SDCBP2: variants seen among roughly 807,000 people sequenced by gnomAD.
SDCBP2 encodes syndecan binding protein 2, also known as syntenin-2.
A neutral mutation model predicts 30.7 loss-of-function variants in SDCBP2; 28 were observed. The observed-to-expected ratio is 0.91, with a 90% CI of 0.68 to 1.25. SDCBP2 has a LOEUF of 1.25. SDCBP2 is among the 50% of genes most tolerant of loss of function. The pLI, the probability that SDCBP2 is intolerant of heterozygous loss-of-function variation, is 0.00. For missense variants in SDCBP2, 399 were observed against 379.0 expected, an observed-to-expected ratio of 1.05 and a Z score of -0.44; for synonymous variants, 166 against 157.3, an observed-to-expected ratio of 1.06 and a Z score of -0.41.
intron 7 of SDCBP2, 129 bp downstream of exon 7, chr20:1,312,208 C>T (rs572092763): frequency 2.2e-5 from 20 of 918,506 alleles, no homozygotes; most frequent in African/African-American, 4.9e-5. Context: ...CTACGAACAC[C>T]GTCTTACTGA....
rs1234235681 is a variant in SDCBP2, at chr20:1,313,230, A to G, written c.384+110T>C. 9.4e-6 allele frequency: 11 copies of G among 1,166,440 alleles called. No individual in the cohort carries two copies. Among genetic ancestry groups the G allele is most frequent in the Non-Finnish European group, 1.3e-5 (11 of 819,180 alleles). 72.3% of individuals were successfully genotyped at this position (1,166,440 alleles called of 1,614,324 possible). A position where few individuals can be genotyped will look rare whatever the true frequency, so the allele number is the denominator to read the frequency against. ...CAAGAGCCTGGCCGCTGGGGTTAGGAGGCCCGCTCTGCACCTTCCTTACTG... is the reference window on the plus strand; with the variant it reads ...CAAGAGCCTGGCCGCTGGGGTTAGGGGGCCCGCTCTGCACCTTCCTTACTG... On this transcript the variant is annotated intron_variant, in intron 5 of 8. Coordinates refer to ENST00000360779, the MANE Select transcript of SDCBP2 (RefSeq NM_080489.5). This position sits in a 1 kb window ranked among gnomAD's most constrained non-coding sequence, Gnocchi z 5.2.
chr20:1,319,426 G>A (rs927530610), intron 3 of SDCBP2, 164 bp downstream of exon 3: 2 of 717,586 alleles, frequency 2.8e-6, no homozygotes, highest in Admixed American at 4.4e-5. Context: ...AGGTCACCCA[G>A]GCAGTAAGAG....
chr20:1,325,423 A>G (rs2088907947), intron 1 of SDCBP2: 1 of 152,182 alleles, frequency 6.6e-6, no homozygotes, highest in South Asian at 2.1e-4. Flanking sequence ...GCGGCTGCAG[A>G]GTGGAACATG....
chr20:1,312,243 G>T (rs1443476445), intron 7 of SDCBP2, 94 bp downstream of exon 7: 23 of 1,263,420 alleles, frequency 1.8e-5, no homozygotes, highest in Non-Finnish European at 2.3e-5. Flanking sequence ...CTTAGGAAGA[G>T]GATGCTGAGG....
chr20:1,318,944 G>A (rs2088817131), intron 3 of SDCBP2, among the ~76,000 whole-genome samples: 1 of 152,172 alleles, frequency 6.6e-6, no homozygotes, highest in African/African-American at 2.4e-5. Flanking sequence ...CTTGATCTTG[G>A]GCTTCCAGCC....
intron 1 of SDCBP2, among the ~76,000 whole-genome samples, chr20:1,328,242 G>A (rs2088958838): frequency 6.6e-6 from 1 of 152,126 alleles, no homozygotes; most frequent in Non-Finnish European, 1.5e-5. Flanking sequence ...TGGAGGTCAT[G>A]GTGAGGACTT....
intron 4 of SDCBP2, 193 bp downstream of exon 4, chr20:1,318,125 A>C (rs926655008): frequency 1.6e-6 from 1 of 622,272 alleles, no homozygotes; most frequent in Admixed American, 2.1e-5. Context: ...AAGATCTGAA[A>C]CCATGAAAGC....
Position 1,320,293 on chromosome 20 carries a change from C to T in SDCBP2, c.54+70G>A, listed in dbSNP as rs566933481. 77 of 1,463,932 alleles carry T rather than the reference C, an allele frequency of 5.3e-5. No homozygotes were observed. Among genetic ancestry groups the T allele is most frequent in the Non-Finnish European group, 7.6e-6 (8 of 1,055,348 alleles). The allele number at this position is 1,463,932 out of a possible 1,614,324, so 90.7% of individuals were successfully genotyped here. A position where few individuals can be genotyped will look rare whatever the true frequency, so the allele number is the denominator to read the frequency against. On this transcript the variant is annotated intron_variant, in intron 2 of 8. Transcript: ENST00000360779. The surrounding 1 kb of genome is among the most constrained non-coding windows in gnomAD (Gnocchi z 4.7). ...GGGAATCTCCAAGTGGCCCCAGTAC[C>T]CAGCACCTTCCAGGGTAATCCCCAA...
rs137918689 is a variant in SDCBP2, at chr20:1,312,412, A to G, written c.657T>C (p.Ser219=). ...TGAGGAGCCCGTTGCGGGCCGCAGAACTCCCTTTGACCAGAGAGACAATCT... is the reference window on the plus strand; with the variant it reads ...TGAGGAGCCCGTTGCGGGCCGCAGAGCTCCCTTTGACCAGAGAGACAATCT... The part of the protein sequence containing the change: ...KGKIVSLVKG[S]SAARNGLLTN... The change falls in exon 7 of 9, where the codon AGT becomes AGC. Residue 219 remains serine (S), a synonymous_variant. Coordinates refer to ENST00000360779, the MANE Select transcript of SDCBP2 (RefSeq NM_080489.5). 2 of 1,613,518 alleles carry G rather than the reference A, an allele frequency of 1.2e-6. No homozygotes were observed. Among genetic ancestry groups the G allele is most frequent in the African/African-American group, 2.7e-5 (2 of 74,884 alleles).
rs374162958 is a variant in SDCBP2 at position 1,320,359 on chromosome 20, T to C, written c.54+4A>G. 3.2e-5 allele frequency: 51 copies of C among 1,613,674 alleles called. No individual in the cohort carries two copies. Among genetic ancestry groups the C allele is most frequent in the Non-Finnish European group, 4.2e-5 (50 of 1,179,766 alleles). On this transcript the variant is annotated splice_donor_region_variant and intron_variant, in intron 2 of 8. Transcript: ENST00000360779. The surrounding 1 kb of genome is among the most constrained non-coding windows in gnomAD (Gnocchi z 4.7). ...ATCCAGGCCAATGGGGCCTGGCGAC[T>C]TACCTGAATGGCTTGGTCCACTTTT...
chr20:1,313,698 C>T lies in SDCBP2; in HGVS notation c.226-200G>A, dbSNP rs142870657. The T allele has an allele frequency of 4.3e-4, 568 of 1,336,146 alleles. 2 individuals are homozygous for T. The African/African-American group carries it at 7.8e-3, about 18-fold the overall frequency. 82.8% of individuals were successfully genotyped at this position (1,336,146 alleles called of 1,614,324 possible). A position where few individuals can be genotyped will look rare whatever the true frequency, so the allele number is the denominator to read the frequency against. On this transcript the variant is annotated intron_variant, in intron 4 of 8. Coordinates refer to ENST00000360779, the MANE Select transcript of SDCBP2 (RefSeq NM_080489.5). This position sits in a 1 kb window ranked among gnomAD's most constrained non-coding sequence, Gnocchi z 5.2. The stretch of plus-strand genomic sequence containing the variant: ...CACTAGGGGGCGTCAAAGTCCATGC[C>T]CTTAAAAAGCCAGGAAAACGGGGAG...
In SDCBP2 at chr20:1,313,593, T is replaced by C. The variant is rs2122509223; in HGVS notation, c.226-95A>G. 1 of 1,441,286 alleles carries C rather than the reference T, an allele frequency of 6.9e-7. No individual in the cohort carries two copies. Among genetic ancestry groups the C allele is most frequent in the Non-Finnish European group, 9.1e-7 (1 of 1,098,222 alleles). The allele number at this position is 1,441,286 out of a possible 1,614,324, so 89.3% of individuals were successfully genotyped here. A position where few individuals can be genotyped will look rare whatever the true frequency, so the allele number is the denominator to read the frequency against. On this transcript the variant is annotated intron_variant, in intron 4 of 8. Transcript: ENST00000360779. The surrounding 1 kb of genome is among the most constrained non-coding windows in gnomAD (Gnocchi z 5.2). Reference sequence around the variant, plus strand: ...GGGGGTAGGGATGGGGAAAGGAGGATGGAGCCGTCCCCGGGTCCCCCCACG... The same window carrying C: ...GGGGGTAGGGATGGGGAAAGGAGGACGGAGCCGTCCCCGGGTCCCCCCACG...
chr20:1,310,619 A>G (rs764154970), intron 8 of SDCBP2, 124 bp from the exon 9 acceptor site: 3 of 1,078,610 alleles, frequency 2.8e-6, no homozygotes, highest in Non-Finnish European at 4.1e-6. Flanking sequence ...AGACTTTCGA[A>G]TCACCAGAAG....
At chr20:1,319,482 G>A (rs2088824106) in intron 3 of SDCBP2, 108 bp downstream of exon 3, 6 of 1,185,536 alleles carry the variant, frequency 5.1e-6, no homozygotes, top group Non-Finnish European at 7.4e-6. Flanking sequence ...ACCATGTTGA[G>A]TCCTTAACCC....
At chr20:1,312,994 G>A (rs113425130) in intron 5 of SDCBP2, 9,585 of 597,362 alleles carry the variant, frequency 0.016, 669 homozygotes, top group African/African-American at 0.16. Context: ...GCTGCACTCC[G>A]AAACACTCCA....
chr20:1,310,234 G>A lies in SDCBP2; in HGVS notation c.*207C>T, dbSNP rs2088639841. Reference sequence around the variant, plus strand: ...AGAGAATCGGCTGCCTGTGGGCCCTGCCTGAGCCTCAGCCTAGCTTGGAGT... The same window carrying A: ...AGAGAATCGGCTGCCTGTGGGCCCTACCTGAGCCTCAGCCTAGCTTGGAGT... On this transcript the variant is annotated 3_prime_UTR_variant, in exon 9 of 9. Coordinates refer to ENST00000360779, the MANE Select transcript of SDCBP2 (RefSeq NM_080489.5). 4 of 495,722 alleles carry A rather than the reference G, an allele frequency of 8.1e-6. No homozygotes were observed. In the South Asian group the frequency reaches 9.7e-5, roughly 12 times the overall value. 30.7% of individuals were successfully genotyped at this position (495,722 alleles called of 1,614,324 possible). A position where few individuals can be genotyped will look rare whatever the true frequency, so the allele number is the denominator to read the frequency against.
At position 1,320,647 on chromosome 20, in the gene SDCBP2, C is replaced by T. The variant is rs1438465271; in HGVS notation, c.-19-212G>A. 2 of 429,122 alleles carry T rather than the reference C, an allele frequency of 4.7e-6. No individual in the cohort carries two copies. The highest frequency in any genetic ancestry group is 7.3e-5 in the East Asian group (2 of 27,288). 26.6% of individuals were successfully genotyped at this position (429,122 alleles called of 1,614,324 possible). A position where few individuals can be genotyped will look rare whatever the true frequency, so the allele number is the denominator to read the frequency against. ...CACTCATCTCCAGCCTCACTGTCAA[C>T]TTTTAATCTTGGCCACAATGAAGTA... On this transcript the variant is annotated intron_variant, in intron 1 of 8. Coordinates refer to ENST00000360779, the MANE Select transcript of SDCBP2 (RefSeq NM_080489.5). This position sits in a 1 kb window ranked among gnomAD's most constrained non-coding sequence, Gnocchi z 4.7.
chr20:1,312,049 ACC>A (rs1701750071), intron 7 of SDCBP2, among the ~76,000 whole-genome samples: 1 of 151,398 alleles, frequency 6.6e-6, no homozygotes, highest in Non-Finnish European at 1.5e-5. Flanking sequence ...ACAGGTGTGC[ACC>A]ACCACGCTTG....
intron 1 of SDCBP2, among the ~76,000 whole-genome samples, chr20:1,326,078 TCTC>T (rs1239772524): frequency 1.3e-5 from 2 of 152,094 alleles, no homozygotes; most frequent in Non-Finnish European, 2.9e-5. Flanking sequence ...ATCAGGAAGG[TCTC>T]CTGGAGGAAG....
Sources: allele counts gnomAD v4.1 joint callset (sites outside exome capture counted in the v4.1 genomes callset), GRCh38; gene constraint gnomAD v4.1.1; non-coding constraint Gnocchi (gnomAD v3.1); transcripts MANE v1.5; gene names NCBI Gene and HGNC (gene_info 2026-07-23, HGNC 2026-07-21).